Variants in UGT1A10 observed in about 807,000 individuals in gnomAD.
UGT1A10 encodes UDP glucuronosyltransferase family 1 member A10, also known as UDP-glucuronosyltransferase 1A10.
A neutral mutation model predicts 45.8 loss-of-function variants in UGT1A10; 49 were observed. That is an observed-to-expected ratio of 1.07 (90% CI 0.85 to 1.36). UGT1A10 has a LOEUF of 1.36. Among genes scored for constraint, UGT1A10 ranks in the 40% most tolerant of loss-of-function variants. The probability of loss-of-function intolerance (pLI) is 0.00; values close to 1 mark genes in which losing one functional copy is unlikely to be tolerated. For missense variants in UGT1A10, 745 were observed against 668.6 expected (o/e 1.11, Z -1.26); for synonymous variants, 284 against 249.7 (o/e 1.14, Z -1.29).
At chr2:233,747,312 G>A in intron 1 of UGT1A10, 5 of 1,603,228 alleles carry the variant, frequency 3.1e-6, no homozygotes, top group Non-Finnish European at 4.3e-6. Context: ...AGGTGCTGGT[G>A]GTACCCATTG....
chr2:233,654,430 A>C (rs1289757057), intron 1 of UGT1A10, among the ~76,000 whole-genome samples: 1 of 152,220 alleles, frequency 6.6e-6, no homozygotes, highest in East Asian at 1.9e-4. Context: ...CTAATCGTAG[A>C]TATATCTCTG....
intron 1 of UGT1A10, among the ~76,000 whole-genome samples, chr2:233,642,895 T>A (rs2073491347): frequency 6.6e-6 from 1 of 152,114 alleles, no homozygotes; most frequent in Non-Finnish European, 1.5e-5. Flanking sequence ...TCACTCTCTC[T>A]CTCTCTCTCT....
At position 233,637,286 on chromosome 2, in the gene UGT1A10, C is replaced by T. The variant is rs45574333; in HGVS notation, c.764C>T (p.Thr255Met). Reference protein sequence around the residue: ...YSHTSIWLLRTDFVLDYPKPV... With the variant: ...YSHTSIWLLRMDFVLDYPKPV... ...CACACATCAATTTGGTTGTTGCGAA[C>T]GGACTTTGTTTTGGACTATCCCAAA... Residue 255 changes from threonine to methionine, a missense_variant, in exon 1 of 5, where the codon ACG becomes ATG. By Grantham distance (81) the Thr-to-Met change is moderately conservative. Transcript: ENST00000344644. The T allele has an allele frequency of 6.7e-4, 1,088 of 1,613,826 alleles. 8 individuals carry two copies. Among genetic ancestry groups the T allele is most frequent in the South Asian group, 1.0e-3 (91 of 91,068 alleles).
chr2:233,736,950 T>C (rs2078828860), intron 1 of UGT1A10, among the ~76,000 whole-genome samples: 1 of 152,182 alleles, frequency 6.6e-6, no homozygotes, highest in Non-Finnish European at 1.5e-5. Context: ...AGGTGTCTGT[T>C]GGCCCCTACT....
chr2:233,742,224 G>A (rs191023728), intron 1 of UGT1A10, among the ~76,000 whole-genome samples: 4 of 152,020 alleles, frequency 2.6e-5, no homozygotes, highest in Non-Finnish European at 5.9e-5. Flanking sequence ...AGGGCTGAGA[G>A]CCCCAAACAG....
intron 1 of UGT1A10, chr2:233,689,969 C>A (rs2074968576): frequency 2.2e-6 from 1 of 455,440 alleles, no homozygotes; most frequent in South Asian, 1.6e-5. Context: ...CTTGGAGGAA[C>A]CCACAGGCCC....
chr2:233,760,574 G>A lies in UGT1A10; in HGVS notation c.856-6460G>A, dbSNP rs1287104845. On this transcript the variant is annotated intron_variant, in intron 1 of 4. Coordinates refer to ENST00000344644, the MANE Select transcript of UGT1A10 (RefSeq NM_019075.4). ...GTGAAAGAGTCTTTTGTTAGTCTCG[G>A]GCATAATGTTTTTGAGAATGATTCT... The A allele has an allele frequency of 6.2e-7, 1 of 1,614,190 alleles. No individual in the cohort carries two copies. The highest frequency in any genetic ancestry group is 1.3e-5 in the African/African-American group (1 of 75,038).
At chr2:233,722,525 T>C (rs1187411582) in intron 1 of UGT1A10, among the ~76,000 whole-genome samples, 1 of 152,230 alleles carries the variant, frequency 6.6e-6, no homozygotes, top group Non-Finnish European at 1.5e-5. Flanking sequence ...TATTTTTGCC[T>C]TAATGATTTC....
intron 1 of UGT1A10, among the ~76,000 whole-genome samples, chr2:233,720,593 A>G (rs12468543): frequency 0.08 from 12,154 of 152,072 alleles, 627 homozygotes; most frequent in East Asian, 0.2. Context: ...TTCAGAGGTG[A>G]CTTTCATTAA....
intron 1 of UGT1A10, chr2:233,681,792 T>A: frequency 2.0e-6 from 3 of 1,465,540 alleles, no homozygotes; most frequent in Non-Finnish European, 1.8e-6. Context: ...TATGAGTAAA[T>A]CATTGGCAGT....
At chr2:233,724,803 C>T (rs1387288842) in intron 1 of UGT1A10, among the ~76,000 whole-genome samples, 2 of 138,308 alleles carry the variant, frequency 1.4e-5, no homozygotes, top group South Asian at 5.4e-4. Flanking sequence ...GGGTGGCGGC[C>T]GGGCAGAGGC....
intron 1 of UGT1A10, chr2:233,729,254 G>C (rs1181621220): frequency 1.2e-6 from 2 of 1,614,100 alleles, no homozygotes; most frequent in Admixed American, 1.7e-5. Context: ...CACTGGCTCA[G>C]CATGCGGGAG....
chr2:233,767,747 C>CTG lies in UGT1A10; in HGVS notation c.988-100_988-99dup, dbSNP rs35331289. ...ACTGATCCTCCCACTCTGTTAAAGA[C>CTG]TGTTCCTTCAGAGGACCCCTGTTTT... is the stretch of plus-strand genomic sequence containing the variant. On this transcript the variant is annotated intron_variant, in intron 2 of 4. Coordinates refer to ENST00000344644, the MANE Select transcript of UGT1A10 (RefSeq NM_019075.4). 3.9e-3 allele frequency: 6,206 copies of CTG among 1,591,080 alleles called. 210 individuals are homozygous for CTG. In the African/African-American group the frequency reaches 0.073, roughly 19 times the overall value.
At chr2:233,663,382 G>A (rs2074013154) in intron 1 of UGT1A10, among the ~76,000 whole-genome samples, 1 of 152,144 alleles carries the variant, frequency 6.6e-6, no homozygotes, top group South Asian at 2.1e-4. Flanking sequence ...GTGCTGATTG[G>A]TCAGGGATGA....
chr2:233,675,530 C>T (rs903544612), intron 1 of UGT1A10, among the ~76,000 whole-genome samples: 1 of 152,106 alleles, frequency 6.6e-6, no homozygotes, highest in Non-Finnish European at 1.5e-5. Context: ...GTGCTTCCCC[C>T]CTTGCTGTAA....
intron 1 of UGT1A10, chr2:233,761,197 G>A (rs369591851): frequency 3.7e-6 from 6 of 1,613,996 alleles, no homozygotes; most frequent in Non-Finnish European, 5.1e-6. Flanking sequence ...TCTTTCAGAT[G>A]TATTACTTTG....
chr2:233,678,880 C>A (rs2074431120), intron 1 of UGT1A10, among the ~76,000 whole-genome samples: 1 of 152,164 alleles, frequency 6.6e-6, no homozygotes, highest in African/African-American at 2.4e-5. Flanking sequence ...TTCATGACTT[C>A]CTTGATTGGC....
intron 1 of UGT1A10, chr2:233,747,256 G>T: frequency 6.2e-7 from 1 of 1,600,772 alleles, no homozygotes; most frequent in Non-Finnish European, 8.5e-7. Flanking sequence ...GCTGGCCACA[G>T]GAGTGCTACT....
intron 1 of UGT1A10, among the ~76,000 whole-genome samples, chr2:233,667,886 G>C (rs1344182149): frequency 6.6e-6 from 1 of 152,150 alleles, no homozygotes; most frequent in Non-Finnish European, 1.5e-5. Flanking sequence ...GAAACAACAG[G>C]TGCTGTAGAG....
Sources: gnomAD v4.1 joint callset for allele counts (sites outside exome capture counted in the v4.1 genomes callset) on GRCh38, gnomAD v4.1.1 for gene constraint, MANE v1.5 for transcripts, NCBI Gene and HGNC (gene_info 2026-07-23, HGNC 2026-07-21) for gene names.